The following MACROD1 variants were observed in gnomAD, a reference collection of about 807,000 sequenced individuals.
MACROD1 encodes mono-ADP ribosylhydrolase 1.
A neutral mutation model predicts 41.4 loss-of-function variants in MACROD1; 31 were observed. That is an observed-to-expected ratio of 0.75 (90% CI 0.56 to 1.01). The LOEUF is 1.01. MACROD1 is among the 50% of genes least tolerant of loss of function. The pLI is 0.00. For missense variants in MACROD1, 473 were observed against 460.0 expected, an observed-to-expected ratio of 1.03 and a Z score of -0.26; for synonymous variants, 252 against 203.4, an observed-to-expected ratio of 1.24 and a Z score of -2.03.
At chr11:64,153,144 C>T (rs985881272) in intron 1 of MACROD1, among the ~76,000 whole-genome samples, 2 of 152,184 alleles carry the variant, frequency 1.3e-5, no homozygotes, top group Non-Finnish European at 2.9e-5. Flanking sequence ...CCATGGGCTC[C>T]GCCTTCCCTT....
At chr11:64,012,139 C>T (rs1300422972) in intron 4 of MACROD1, among the ~76,000 whole-genome samples, 1 of 152,200 alleles carries the variant, frequency 6.6e-6, no homozygotes, top group Admixed American at 6.5e-5. Context: ...CCGTCCATCT[C>T]TCCATCAGTC....
In MACROD1 at chr11:64,090,293, G is replaced by A. The variant is rs574612514; in HGVS notation, c.517+60946C>T. ...AAATGCATCGTGCGTTGCTTTTCCC[G>A]TCTGGGAGTCTAATAGTCAGCAGTT... On this transcript the variant is annotated intron_variant, in intron 3 of 10. Coordinates refer to ENST00000255681, the MANE Select transcript of MACROD1 (RefSeq NM_014067.4). The surrounding 1 kb of genome is among the most constrained non-coding windows in gnomAD (Gnocchi z 4.7). 6.6e-6 allele frequency among the ~76,000 whole-genome samples: 1 copy of A among 152,300 alleles called. No homozygotes were observed. The highest frequency in any genetic ancestry group is 2.1e-4 in the South Asian group (1 of 4,830).
chr11:64,091,323 T>G (rs953301274), intron 3 of MACROD1, among the ~76,000 whole-genome samples: 3 of 151,998 alleles, frequency 2.0e-5, no homozygotes, highest in African/African-American at 7.3e-5. Flanking sequence ...TTTCATCACG[T>G]TTCATTTTCT....
intron 3 of MACROD1, among the ~76,000 whole-genome samples, chr11:64,145,070 A>T (rs1945474583): frequency 6.6e-6 from 1 of 152,194 alleles, no homozygotes; most frequent in African/African-American, 2.4e-5. Context: ...GGAGAGGATG[A>T]GGCAGGGGCT....
At chr11:64,086,590 C>T (rs558745691) in intron 3 of MACROD1, among the ~76,000 whole-genome samples, 5 of 152,132 alleles carry the variant, frequency 3.3e-5, no homozygotes, top group Admixed American at 6.5e-5. Context: ...CTTTGCACAG[C>T]GGTTCTGCGA....
At chr11:64,020,028 G>A (rs1056459216) in intron 3 of MACROD1, among the ~76,000 whole-genome samples, 44 of 152,210 alleles carry the variant, frequency 2.9e-4, no homozygotes, top group Non-Finnish European at 5.3e-4. Flanking sequence ...TAGGGCCCAT[G>A]ACACTTTTAG....
intron 3 of MACROD1, among the ~76,000 whole-genome samples, chr11:64,107,471 C>T (rs683996): frequency 0.28 from 42,191 of 152,162 alleles, 6,723 homozygotes; most frequent in African/African-American, 0.45. Flanking sequence ...CAGGACATCC[C>T]GCCGCCTGGC....
rs1944472178 is a variant in MACROD1 at position 64,090,606 on chromosome 11, C to T, written c.517+60633G>A. On this transcript the variant is annotated intron_variant, in intron 3 of 10. Transcript: ENST00000255681. The surrounding 1 kb of genome is among the most constrained non-coding windows in gnomAD (Gnocchi z 4.7). ...GGAAGTGGAGGCTGTGGCCAGCCAT[C>T]GCCGCAGGAGGGGTCCCAGCTGGAG... Among the ~76,000 whole-genome samples, 1 of 152,168 alleles carries T rather than the reference C, an allele frequency of 6.6e-6. No homozygotes were observed. Among genetic ancestry groups the T allele is most frequent in the Non-Finnish European group, 1.5e-5 (1 of 68,024 alleles).
At chr11:63,998,734 C>T (rs1243863404) in intron 10 of MACROD1, 47 bp from the exon 11 acceptor site, 3 of 1,415,430 alleles carry the variant, frequency 2.1e-6, no homozygotes, top group Admixed American at 5.9e-5. Context: ...TCCCCGACCT[C>T]CCAGGCTGCC....
intron 3 of MACROD1, among the ~76,000 whole-genome samples, chr11:64,058,845 G>C (rs2000515): frequency 1.3e-5 from 2 of 152,028 alleles, no homozygotes; most frequent in Non-Finnish European, 2.9e-5. Flanking sequence ...CCGGCAAGGG[G>C]GGGTAGGACC....
chr11:63,998,974 G>A lies in MACROD1; in HGVS notation c.954C>T (p.Leu318=). ...ACGTACCCACGGGGAAGTAGTGGGG[G>A]AGCCGGCTCCGGTAGATGTCCTCGT... The part of the protein sequence containing the change: ...EKDEDIYRSR[L]PHYFPVA The change falls in exon 9 of 11, where the codon CTC becomes CTT. Residue 318 remains leucine (L), a synonymous_variant. Coordinates refer to ENST00000255681, the MANE Select transcript of MACROD1 (RefSeq NM_014067.4). 4 of 1,606,792 alleles carry A rather than the reference G, an allele frequency of 2.5e-6. No homozygotes were observed. The highest frequency in any genetic ancestry group is 3.4e-6 in the Non-Finnish European group (4 of 1,177,460).
chr11:64,113,606 GAT>G (rs1472845507), intron 3 of MACROD1, among the ~76,000 whole-genome samples: 17 of 1,470 alleles, frequency 0.012, no homozygotes, highest in African/African-American at 0.035. Flanking sequence ...TGGTTAGGTG[GAT>G]GGATGGATGG....
intron 3 of MACROD1, among the ~76,000 whole-genome samples, chr11:64,041,494 C>T (rs986896390): frequency 6.6e-6 from 1 of 150,796 alleles, no homozygotes; most frequent in Non-Finnish European, 1.5e-5. Context: ...GGAGGGTGCC[C>T]GGGGCTGCTC....
intron 3 of MACROD1, among the ~76,000 whole-genome samples, chr11:64,046,711 C>G (rs551111134): frequency 6.9e-4 from 105 of 151,916 alleles, no homozygotes; most frequent in Admixed American, 2.5e-3. Context: ...GTTGGTCAGG[C>G]TGGCCTTGAA....
rs189836607 is a variant in MACROD1 at position 64,090,570 on chromosome 11, G to A, written c.517+60669C>T. 6.6e-5 allele frequency among the ~76,000 whole-genome samples: 10 copies of A among 152,308 alleles called. No homozygotes were observed. The highest frequency in any genetic ancestry group is 4.6e-4 in the Admixed American group (7 of 15,310). On this transcript the variant is annotated intron_variant, in intron 3 of 10. Coordinates refer to ENST00000255681, the MANE Select transcript of MACROD1 (RefSeq NM_014067.4). The surrounding 1 kb of genome is among the most constrained non-coding windows in gnomAD (Gnocchi z 4.7). ...ACAGGTGGCTGGGCCAGGAGGCTCC[G>A]GGATGAGGCAGGAAGTGGAGGCTGT...
intron 3 of MACROD1, among the ~76,000 whole-genome samples, chr11:64,125,781 A>G (rs774140466): frequency 5.9e-5 from 9 of 152,116 alleles, no homozygotes; most frequent in Non-Finnish European, 1.0e-4. Flanking sequence ...GGGGGAGAGA[A>G]CTGGGGGAGG....
At chr11:64,133,906 G>T (rs1225089827) in intron 3 of MACROD1, among the ~76,000 whole-genome samples, 1 of 152,270 alleles carries the variant, frequency 6.6e-6, no homozygotes, top group Non-Finnish European at 1.5e-5. Flanking sequence ...TCCTGGAGGG[G>T]AGGGTTTCTC....
chr11:64,018,790 A>G (rs1321015413), intron 3 of MACROD1, among the ~76,000 whole-genome samples: 1 of 152,024 alleles, frequency 6.6e-6, no homozygotes, highest in Non-Finnish European at 1.5e-5. Flanking sequence ...GGACTGGGGG[A>G]GATGCAGGTG....
At position 64,000,313 on chromosome 11, in the gene MACROD1, G is replaced by A; in HGVS notation, c.578C>T (p.Pro193Leu). The change falls in exon 5 of 11, where the codon CCC (proline) becomes CTC (leucine). Residue 193 changes from proline (P) to leucine (L), a missense_variant. Transcript: ENST00000255681. ...GGTCCGGCACTCGTCGGTAAGCAGG[G>A]GGCCGGCGGCCCGATGAATGCAGCC... ...VDGCIHRAAG[P>L]LLTDECRTLQ... 1 of 1,592,228 alleles carries A rather than the reference G, an allele frequency of 6.3e-7. No homozygotes were observed.
Sources: allele counts gnomAD v4.1 joint callset (sites outside exome capture counted in the v4.1 genomes callset), GRCh38; gene constraint gnomAD v4.1.1; non-coding constraint Gnocchi (gnomAD v3.1); transcripts MANE v1.5; gene names NCBI Gene and HGNC (gene_info 2026-07-23, HGNC 2026-07-21).